Variants in CCT6A observed in about 807,000 individuals in gnomAD.
CCT6A encodes the protein T-complex protein 1 subunit zeta.
Under a neutral mutation model 58.6 loss-of-function variants are expected in CCT6A, and 6 were observed. That is an observed-to-expected ratio of 0.10 (90% CI 0.06 to 0.20). CCT6A has a LOEUF of 0.20. CCT6A is among the 10% of genes least tolerant of loss of function. The pLI, the probability that CCT6A is intolerant of heterozygous loss-of-function variation, is 1.00. For synonymous variants in CCT6A, 245 were observed against 227.8 expected (o/e 1.08, Z -0.68); for missense variants, 516 against 648.8 (o/e 0.80, Z 2.22).
intron 4 of CCT6A, 23 bp from the exon 5 acceptor site, chr7:56,056,288 C>A: frequency 8.3e-7 from 1 of 1,201,482 alleles, no homozygotes; most frequent in South Asian, 1.2e-5. Context: ...ATTTACTTAA[C>A]GGTTATGCTC....
intron 2 of CCT6A, among the ~76,000 whole-genome samples, chr7:56,053,231 A>G (rs1177745106): frequency 6.6e-5 from 10 of 152,216 alleles, no homozygotes; most frequent in African/African-American, 2.2e-4. Context: ...ACTCATCCCT[A>G]AATTCCCAAA....
Position 56,055,440 on chromosome 7 carries a change from C to T in CCT6A, c.337-184C>T. 4.4e-6 allele frequency: 3 copies of T among 684,096 alleles called. No individual in the cohort carries two copies. The South Asian group carries it at 5.0e-5, about 11-fold the overall frequency. The allele number at this position is 684,096 out of a possible 1,614,324, so 42.4% of individuals were successfully genotyped here. On this transcript the variant is annotated intron_variant, in intron 3 of 13. Transcript: ENST00000275603. The stretch of plus-strand genomic sequence containing the variant: ...TGTGCTAGAGCATTCATTACCTGTT[C>T]ATCTGCTCTGCATTGAAAGGAATAT...
chr7:56,052,273 G>A, intron 1 of CCT6A, 149 bp from the exon 2 acceptor site: 1 of 715,998 alleles, frequency 1.4e-6, no homozygotes. Context: ...CGGGGACGGG[G>A]TGGGCACTAC....
At position 56,061,870 on chromosome 7, in the gene CCT6A, T is replaced by C. The variant is rs773640113; in HGVS notation, c.1450+21T>C. On this transcript the variant is annotated intron_variant, in intron 12 of 13. Transcript: ENST00000275603. ...CACAGGTAAGAGAATGCAACTGTTG[T>C]AGAGGGAAAACTAGATGTAATACGT... is the stretch of plus-strand genomic sequence containing the variant. 9 of 1,351,872 alleles carry C rather than the reference T, an allele frequency of 6.7e-6. No individual in the cohort carries two copies. In the East Asian group the frequency reaches 1.2e-4, roughly 18 times the overall value. The allele number at this position is 1,351,872 out of a possible 1,614,324, so 83.7% of individuals were successfully genotyped here.
At position 56,060,286 on chromosome 7, in the gene CCT6A, C is replaced by T. The variant is rs772595363; in HGVS notation, c.1083C>T (p.Thr361=). 1.2e-6 allele frequency: 2 copies of T among 1,613,634 alleles called. No individual in the cohort carries two copies. The highest frequency in any genetic ancestry group is 3.3e-5 in the Admixed American group (2 of 59,962). Residue 361 remains threonine, a synonymous_variant, in exon 10 of 14, where the codon ACC becomes ACT. Transcript: ENST00000275603. The part of the protein sequence containing the change: ...YEYTLGEEKF[T]FIEKCNNPRS... The stretch of plus-strand genomic sequence containing the variant: ...ACACATAGGGAGAAGAGAAGTTTAC[C>T]TTTATTGAGAAATGTAACAACCCTC...
chr7:56,060,057 A>G (rs747300617), intron 9 of CCT6A: 4 of 553,334 alleles, frequency 7.2e-6, no homozygotes, highest in East Asian at 3.0e-5. Context: ...TTTTGTTTAT[A>G]TACATTTTGA....
At position 56,059,638 on chromosome 7, in the gene CCT6A, T is replaced by C. The variant is rs746288015; in HGVS notation, c.1063T>C (p.Leu355=). Residue 355 remains leucine (L), a splice_region_variant and synonymous_variant, in exon 9 of 14, where the codon TTG becomes CTG. Transcript: ENST00000275603. ...TGCAGGACTTGTATATGAGTATACA[T>C]TGGTAAGTGTATTTTTTTCTTAAAG... ...GHAGLVYEYT[L]GEEKFTFIEK... is the part of the protein sequence containing the mutation. 11 of 1,398,352 alleles carry C rather than the reference T, an allele frequency of 7.9e-6. No homozygotes were observed. Among genetic ancestry groups the C allele is most frequent in the Non-Finnish European group, 1.1e-5 (11 of 986,202 alleles). The allele number at this position is 1,398,352 out of a possible 1,614,324, so 86.6% of individuals were successfully genotyped here.
chr7:56,059,950 C>T (rs1208311456), intron 9 of CCT6A: 1 of 419,686 alleles, frequency 2.4e-6, no homozygotes, highest in Non-Finnish European at 4.3e-6. Context: ...TGTCCTTCAC[C>T]CTCAGCCTCC....
At position 56,060,259 on chromosome 7, in the gene CCT6A, C is replaced by G. The variant is rs773199376; in HGVS notation, c.1066-10C>G. On this transcript the variant is annotated splice_polypyrimidine_tract_variant and intron_variant, in intron 9 of 13. Coordinates refer to ENST00000275603, the MANE Select transcript of CCT6A (RefSeq NM_001762.4). ...CCTGTTTTTGAAAATCATATTTTTT[C>G]TACACATAGGGAGAAGAGAAGTTTA... The G allele has an allele frequency of 1.1e-5, 18 of 1,610,192 alleles. No individual in the cohort carries two copies. The highest frequency in any genetic ancestry group is 1.4e-5 in the Non-Finnish European group (17 of 1,177,370).
intron 2 of CCT6A, 122 bp downstream of exon 2, chr7:56,052,607 GT>G: frequency 1.2e-6 from 1 of 827,542 alleles, no homozygotes; most frequent in Non-Finnish European, 2.0e-6. Flanking sequence ...CGTGTAATCA[GT>G]AATAGTCCTG....
At chr7:56,061,954 GT>G in intron 12 of CCT6A, 105 bp downstream of exon 12, 1 of 587,578 alleles carries the variant, frequency 1.7e-6, no homozygotes, top group Non-Finnish European at 3.0e-6. Context: ...CACCAGTGCT[GT>G]TAGGGAACTC....
Position 56,051,993 on chromosome 7 carries a change from G to A in CCT6A, c.137+8G>A, listed in dbSNP as rs1373482676. On this transcript the variant is annotated splice_region_variant and intron_variant, in intron 1 of 13. Coordinates refer to ENST00000275603, the MANE Select transcript of CCT6A (RefSeq NM_001762.4). ...CAAGGGCACCATGAAGATGTAAGGC[G>A]GGGCTGAACCGGAGGGCCGGGCGGG... 4 of 1,498,052 alleles carry A rather than the reference G, an allele frequency of 2.7e-6. No homozygotes were observed. The highest frequency in any genetic ancestry group is 3.6e-6 in the Non-Finnish European group (4 of 1,124,180). The allele number at this position is 1,498,052 out of a possible 1,614,324, so 92.8% of individuals were successfully genotyped here. A position where few individuals can be genotyped will look rare whatever the true frequency, so the allele number is the denominator to read the frequency against.
At position 56,062,752 on chromosome 7, in the gene CCT6A, C is replaced by T. The variant is rs1032319527; in HGVS notation, c.1520C>T (p.Ser507Phe). The T allele has an allele frequency of 6.2e-7, 1 of 1,605,996 alleles. No homozygotes were observed. The highest frequency in any genetic ancestry group is 8.5e-7 in the Non-Finnish European group (1 of 1,176,612). The change falls in exon 13 of 14, where the codon TCC becomes TTC. Residue 507 changes from serine to phenylalanine, a missense_variant. This residue lies in a region of CCT6A where 315 missense variants were observed against 389.4 expected (regional missense o/e 0.81). Coordinates refer to ENST00000275603, the MANE Select transcript of CCT6A (RefSeq NM_001762.4). Reference sequence around the variant, plus strand: ...TGTGTAAAGAAACAGCTTCTTCACTCCTGGTAAGTTTGGGAAAATGAAAAC... The same window carrying T: ...TGTGTAAAGAAACAGCTTCTTCACTTCTGGTAAGTTTGGGAAAATGAAAAC... ...NYCVKKQLLH[S>F]CTVIATNILL...
rs935204575 is a variant in CCT6A at position 56,054,391 on chromosome 7, C to A, written c.224C>A (p.Ser75Tyr). The A allele has an allele frequency of 6.2e-7, 1 of 1,608,742 alleles. No homozygotes were observed. Among genetic ancestry groups the A allele is most frequent in the Non-Finnish European group, 8.5e-7 (1 of 1,176,612 alleles). Residue 75 changes from serine (S) to tyrosine (Y), a missense_variant, in exon 3 of 14, where the codon TCC becomes TAC. By Grantham distance (144) the Ser-to-Tyr change is moderately radical (BLOSUM62 -2). Around this residue, in one of 3 missense-constraint regions of CCT6A, gnomAD observed 116 missense variants for 184.5 expected, o/e 0.63. Transcript: ENST00000275603. Reference sequence around the variant, plus strand: ...CAGCAAATTCAACACCCAACAGCTTCCTTAATAGCAAAGGTAGCAACAGCC... The same window carrying A: ...CAGCAAATTCAACACCCAACAGCTTACTTAATAGCAAAGGTAGCAACAGCC... The part of the protein sequence containing the change: ...HEMQIQHPTA[S>Y]LIAKVATAQD...
Position 56,062,683 on chromosome 7 carries a change from G to C in CCT6A, c.1451G>C (p.Gly484Ala). The C allele has an allele frequency of 6.2e-7, 1 of 1,613,738 alleles. No homozygotes were observed. The highest frequency in any genetic ancestry group is 8.5e-7 in the Non-Finnish European group (1 of 1,179,658). The change falls in exon 13 of 14, where the codon GGT becomes GCT. Residue 484 changes from glycine (G) to alanine (A), a missense_variant and splice_region_variant. Gly to Ala is a moderately conservative substitution (Grantham distance 60). Transcript: ENST00000275603. Reference sequence around the variant, plus strand: ...ATTTTAAGATTTGGTTGCCTTTTAGGTGAGCCAATGGTGGCAGCAGAAGTA... The same window carrying C: ...ATTTTAAGATTTGGTTGCCTTTTAGCTGAGCCAATGGTGGCAGCAGAAGTA... ...GQLVGVDLNT[G>A]EPMVAAEVGV... is the part of the protein sequence containing the mutation.
intron 12 of CCT6A, among the ~76,000 whole-genome samples, chr7:56,062,227 A>G (rs1794461373): frequency 6.6e-6 from 1 of 152,230 alleles, no homozygotes; most frequent in African/African-American, 2.4e-5. Context: ...ATGCCAGAAA[A>G]GGGGATGTAG....
In CCT6A at chr7:56,060,133, A is replaced by G. The variant is rs570944387; in HGVS notation, c.1066-136A>G. The G allele has an allele frequency of 1.4e-4, 92 of 677,650 alleles. 1 individual carries two copies. The South Asian group carries it at 1.8e-3, about 13-fold the overall frequency. The allele number at this position is 677,650 out of a possible 1,614,324, so 42.0% of individuals were successfully genotyped here. ...TCACATTTCTTTTATGTGATTTTTCAAAAGGAGATAATTTGCTTTAATGTG... is the reference window on the plus strand; with the variant it reads ...TCACATTTCTTTTATGTGATTTTTCGAAAGGAGATAATTTGCTTTAATGTG... On this transcript the variant is annotated intron_variant, in intron 9 of 13. Coordinates refer to ENST00000275603, the MANE Select transcript of CCT6A (RefSeq NM_001762.4).
chr7:56,059,011 T>A (rs766333), intron 8 of CCT6A: 116,644 of 177,494 alleles, frequency 0.66, 38,872 homozygotes, highest in Non-Finnish European at 0.68. Context: ...AAGCTTTTTT[T>A]AAAAATTTTT....
chr7:56,057,929 G>GTGTTTA, intron 5 of CCT6A, 64 bp from the exon 6 acceptor site: 1 of 855,164 alleles, frequency 1.2e-6, no homozygotes, highest in East Asian at 2.4e-5. Context: ...TCTCATTTCA[G>GTGTTTA]TGTTTAATAT....
Sources: allele counts gnomAD v4.1 joint callset (sites outside exome capture counted in the v4.1 genomes callset), GRCh38; gene constraint gnomAD v4.1.1; regional missense constraint gnomAD v4.1.1; transcripts MANE v1.5; gene names NCBI Gene and HGNC (gene_info 2026-07-23, HGNC 2026-07-21).